Variants in ERC2 observed in about 807,000 individuals in gnomAD.
ERC2 encodes the protein ELKS/RAB6-interacting/CAST family member 2.
In ERC2, 42 loss-of-function variants were observed where a neutral mutation model predicts 114.8. The observed-to-expected ratio is 0.37, with a 90% CI of 0.29 to 0.47. The LOEUF (loss-of-function observed/expected upper bound fraction) is 0.47. ERC2 is among the 20% of genes least tolerant of loss of function. The pLI, the probability that ERC2 is intolerant of heterozygous loss-of-function variation, is 0.99. For missense variants in ERC2, 939 were observed against 1,150.7 expected (o/e 0.82, Z 2.66); for synonymous variants, 454 against 425.5 (o/e 1.07, Z -0.82).
intron 17 of ERC2, among the ~76,000 whole-genome samples, chr3:55,546,200 A>T (rs1002129457): frequency 6.6e-6 from 1 of 152,288 alleles, no homozygotes; most frequent in East Asian, 1.9e-4. Context: ...TCTGCTCGGC[A>T]CTTCCTGGGC....
chr3:55,721,085 G>A lies in ERC2; in HGVS notation c.2712+13686C>T, dbSNP rs538039441. ...TCTTCACTGTTGCCTTTGAAATCTAGAATCCCCCAATATTTCCTGATGGGG... is the reference window on the plus strand; with the variant it reads ...TCTTCACTGTTGCCTTTGAAATCTAAAATCCCCCAATATTTCCTGATGGGG... On this transcript the variant is annotated intron_variant, in intron 15 of 17. Transcript: ENST00000288221. Among the ~76,000 whole-genome samples, 10 of 152,326 alleles carry A rather than the reference G, an allele frequency of 6.6e-5. No homozygotes were observed. In the South Asian group the frequency reaches 1.9e-3, roughly 28 times the overall value.
At chr3:55,816,231 T>C (rs1448000542) in intron 14 of ERC2, among the ~76,000 whole-genome samples, 1 of 152,222 alleles carries the variant, frequency 6.6e-6, no homozygotes, top group Non-Finnish European at 1.5e-5. Context: ...GAGGCTTTCC[T>C]AGTCTCCCTA....
intron 3 of ERC2, among the ~76,000 whole-genome samples, chr3:56,267,067 AT>A (rs950803354): frequency 1.1e-3 from 167 of 151,520 alleles, no homozygotes; most frequent in African/African-American, 3.7e-3. Flanking sequence ...TGGATTTCTG[AT>A]TTTTTTTTCA....
chr3:56,126,811 GAAA>G (rs2079896196), intron 6 of ERC2, among the ~76,000 whole-genome samples: 1 of 134,668 alleles, frequency 7.4e-6, no homozygotes, highest in Non-Finnish European at 1.6e-5. Context: ...GAAAGGGAAG[GAAA>G]GGAAAGGAAA....
intron 6 of ERC2, among the ~76,000 whole-genome samples, chr3:56,139,111 T>A (rs2149913737): frequency 6.6e-6 from 1 of 152,182 alleles, no homozygotes; most frequent in South Asian, 2.1e-4. Flanking sequence ...CCATTCTAGA[T>A]CCAAGCCCTT....
intron 3 of ERC2, among the ~76,000 whole-genome samples, chr3:56,233,388 A>G (rs1381081073): frequency 1.3e-5 from 2 of 152,238 alleles, no homozygotes; most frequent in Non-Finnish European, 2.9e-5. Context: ...TGGGAGGCCA[A>G]GGCGGGCAGA....
At chr3:56,347,964 T>C (rs1264774543) in intron 2 of ERC2, among the ~76,000 whole-genome samples, 1 of 152,210 alleles carries the variant, frequency 6.6e-6, no homozygotes, top group Non-Finnish European at 1.5e-5. Context: ...GACTGATACA[T>C]AGTCCAGCAA....
chr3:56,119,900 C>G (rs1292538542), intron 6 of ERC2, among the ~76,000 whole-genome samples: 2 of 152,202 alleles, frequency 1.3e-5, no homozygotes, highest in Non-Finnish European at 2.9e-5. Flanking sequence ...ACCCCACTGC[C>G]TCCCAGGGAT....
At chr3:55,925,888 A>G (rs1003015374) in intron 13 of ERC2, among the ~76,000 whole-genome samples, 6 of 152,184 alleles carry the variant, frequency 3.9e-5, no homozygotes, top group Non-Finnish European at 7.3e-5. Context: ...AAGCTATAAA[A>G]TGTATATCAC....
rs112248081 is a variant in ERC2 at position 55,966,652 on chromosome 3, C to A, written c.2268-16092G>T. 5.4e-3 allele frequency among the ~76,000 whole-genome samples: 824 copies of A among 152,268 alleles called. 10 individuals carry two copies. The highest frequency in any genetic ancestry group is 0.019 in the African/African-American group (791 of 41,550). The stretch of plus-strand genomic sequence containing the variant: ...AGAGGGAGGCAGTGCTGGAGCTCCA[C>A]CCCAATCTATTAGACTCCAAAATTC... On this transcript the variant is annotated intron_variant, in intron 12 of 17. Coordinates refer to ENST00000288221, the MANE Select transcript of ERC2 (RefSeq NM_015576.3).
intron 3 of ERC2, among the ~76,000 whole-genome samples, chr3:56,275,988 T>A (rs889405816): frequency 6.6e-6 from 1 of 152,104 alleles, no homozygotes; most frequent in African/African-American, 2.4e-5. Context: ...AGGGCCTGAG[T>A]TCATTTAGAC....
intron 12 of ERC2, among the ~76,000 whole-genome samples, chr3:55,985,273 A>G (rs2070509504): frequency 6.6e-6 from 1 of 152,226 alleles, no homozygotes; most frequent in African/African-American, 2.4e-5. Flanking sequence ...TTTTCAGACA[A>G]AACGCCCATT....
At chr3:56,133,415 C>G (rs28496913) in intron 6 of ERC2, among the ~76,000 whole-genome samples, 1 of 151,872 alleles carries the variant, frequency 6.6e-6, no homozygotes, top group Non-Finnish European at 1.5e-5. Flanking sequence ...CCAGCCTGAG[C>G]GACAGAGCAA....
intron 5 of ERC2, among the ~76,000 whole-genome samples, chr3:56,145,661 A>C (rs2081098269): frequency 6.6e-6 from 1 of 152,156 alleles, no homozygotes; most frequent in African/African-American, 2.4e-5. Context: ...CAGGATTTCT[A>C]CCCTGGCTGA....
At chr3:55,673,396 A>G (rs2061644009) in intron 17 of ERC2, among the ~76,000 whole-genome samples, 1 of 152,188 alleles carries the variant, frequency 6.6e-6, no homozygotes, top group African/African-American at 2.4e-5. Context: ...CATCCTGGCC[A>G]ACATGGTGAA....
At chr3:56,019,257 A>T (rs967623033) in intron 7 of ERC2, among the ~76,000 whole-genome samples, 1 of 152,182 alleles carries the variant, frequency 6.6e-6, no homozygotes, top group African/African-American at 2.4e-5. Context: ...ATCTCCCTCC[A>T]TACAACGGTA....
intron 6 of ERC2, among the ~76,000 whole-genome samples, chr3:56,122,749 C>T (rs897235119): frequency 2.6e-5 from 4 of 152,114 alleles, no homozygotes; most frequent in African/African-American, 9.7e-5. Context: ...ACGGGTAGCT[C>T]AGGAAAAATG....
At chr3:55,695,831 A>G (rs1315811448) in intron 16 of ERC2, among the ~76,000 whole-genome samples, 3 of 152,220 alleles carry the variant, frequency 2.0e-5, no homozygotes, top group Non-Finnish European at 2.9e-5. Flanking sequence ...ATGTTACTTG[A>G]AAGAAAAAAG....
intron 14 of ERC2, among the ~76,000 whole-genome samples, chr3:55,858,015 A>C (rs1215233580): frequency 1.3e-5 from 2 of 152,248 alleles, no homozygotes; most frequent in Non-Finnish European, 2.9e-5. Flanking sequence ...ATAACTTGGC[A>C]TTAAGCCTTA....
Sources: gnomAD v4.1 joint callset for allele counts (sites outside exome capture counted in the v4.1 genomes callset) on GRCh38, gnomAD v4.1.1 for gene constraint, MANE v1.5 for transcripts, NCBI Gene and HGNC (gene_info 2026-07-23, HGNC 2026-07-21) for gene names.